RPTOR: variants seen among roughly 807,000 people sequenced by gnomAD.
RPTOR encodes the protein regulatory-associated protein of mTOR.
A neutral mutation model predicts 169.9 loss-of-function variants in RPTOR; 21 were observed. The ratio of observed to expected loss-of-function variants is 0.12; its 90% CI spans 0.09 to 0.18. The LOEUF (loss-of-function observed/expected upper bound fraction) is 0.18, where lower values mean the gene tolerates loss of function less well. Ranked by LOEUF, RPTOR falls within the 10% of genes least tolerant of loss-of-function variation. The pLI is 1.00. For synonymous variants in RPTOR, 732 were observed against 753.2 expected, an observed-to-expected ratio of 0.97 and a Z score of 0.46; for missense variants, 1,133 against 1,855.9, an observed-to-expected ratio of 0.61 and a Z score of 7.16.
intron 3 of RPTOR, among the ~76,000 whole-genome samples, chr17:80,647,537 A>G (rs2065605631): frequency 6.6e-6 from 1 of 152,218 alleles, no homozygotes; most frequent in Non-Finnish European, 1.5e-5. Flanking sequence ...TTCTTTCCCC[A>G]GAGAGAGTGG....
chr17:80,873,969 A>T (rs2143807701), intron 13 of RPTOR, among the ~76,000 whole-genome samples: 1 of 152,286 alleles, frequency 6.6e-6, no homozygotes, highest in South Asian at 2.1e-4. Flanking sequence ...AGCAGCGGGT[A>T]CCCCAGAAGG....
At chr17:80,681,099 A>G (rs1370785203) in intron 3 of RPTOR, among the ~76,000 whole-genome samples, 1 of 152,142 alleles carries the variant, frequency 6.6e-6, no homozygotes, top group Non-Finnish European at 1.5e-5. Context: ...ACTGGAGTCC[A>G]GGCTCATGGA....
intron 3 of RPTOR, among the ~76,000 whole-genome samples, chr17:80,661,880 C>T (rs2143649600): frequency 1.3e-5 from 2 of 152,230 alleles, no homozygotes; most frequent in Admixed American, 1.3e-4. Context: ...AGATTCACTG[C>T]GCTGCACACC....
chr17:80,602,756 C>A, intron 1 of RPTOR: 1 of 741,112 alleles, frequency 1.3e-6, no homozygotes, highest in South Asian at 1.4e-5. Flanking sequence ...CTGGAGTTGC[C>A]ATCTCCTTCA....
At chr17:80,624,955 G>T (rs1371564573) in intron 1 of RPTOR, among the ~76,000 whole-genome samples, 1 of 152,210 alleles carries the variant, frequency 6.6e-6, no homozygotes, top group African/African-American at 2.4e-5. Context: ...CCCCGATGGG[G>T]AGTGTGGAAG....
At chr17:80,622,000 G>A (rs545479957) in intron 1 of RPTOR, among the ~76,000 whole-genome samples, 1 of 152,192 alleles carries the variant, frequency 6.6e-6, no homozygotes, top group African/African-American at 2.4e-5. Flanking sequence ...TTTCTTCCAC[G>A]GGCTTTTGCT....
intron 20 of RPTOR, among the ~76,000 whole-genome samples, chr17:80,899,213 C>T (rs1353944522): frequency 6.6e-6 from 1 of 152,196 alleles, no homozygotes; most frequent in African/African-American, 2.4e-5. Flanking sequence ...GAGTATAAAT[C>T]AAGGTATTGC....
intron 3 of RPTOR, among the ~76,000 whole-genome samples, chr17:80,683,818 G>A (rs1375969188): frequency 2.0e-5 from 3 of 152,104 alleles, no homozygotes; most frequent in Non-Finnish European, 2.9e-5. Flanking sequence ...TTTCAGGCAC[G>A]ACAAGGTGGA....
rs1463414854 is a variant in RPTOR at position 80,545,686 on chromosome 17, T to C, written c.57T>C (p.Ala19=). 7 of 1,613,764 alleles carry C rather than the reference T, an allele frequency of 4.3e-6. No homozygotes were observed. Among genetic ancestry groups the C allele is most frequent in the East Asian group, 2.2e-5 (1 of 44,876 alleles). ...TGGGCCTGGGGGAGGAAGATGAGGC[T>C]GATCTTACAGACTGGAACCTACCTT... is the stretch of plus-strand genomic sequence containing the variant. ...PLLGLGEEDE[A]DLTDWNLPLA... The change falls in exon 1 of 34, where the codon GCT becomes GCC. Residue 19 remains alanine, a synonymous_variant. Coordinates refer to ENST00000306801, the MANE Select transcript of RPTOR (RefSeq NM_020761.3).
intron 3 of RPTOR, among the ~76,000 whole-genome samples, chr17:80,664,195 G>A (rs2143655897): frequency 1.3e-5 from 2 of 152,266 alleles, no homozygotes; most frequent in Middle Eastern, 6.8e-3. Context: ...CCTTCTCATG[G>A]GGGCTGGGCT....
At chr17:80,955,021 G>C (rs1226769319) in intron 28 of RPTOR, among the ~76,000 whole-genome samples, 1 of 152,338 alleles carries the variant, frequency 6.6e-6, no homozygotes, top group Admixed American at 6.5e-5. Flanking sequence ...ACAGATCAAA[G>C]CATAAACTCT....
At chr17:80,681,942 A>AATATT (rs1362358413) in intron 3 of RPTOR, among the ~76,000 whole-genome samples, 1 of 152,114 alleles carries the variant, frequency 6.6e-6, no homozygotes, top group East Asian at 1.9e-4. Context: ...GGTGTATTAG[A>AATATT]ATATTGGTAA....
intron 24 of RPTOR, among the ~76,000 whole-genome samples, chr17:80,928,338 C>T (rs985858438): frequency 3.3e-5 from 5 of 152,108 alleles, no homozygotes; most frequent in Non-Finnish European, 5.9e-5. Context: ...ATTTGTGTAA[C>T]GAGCTGCATT....
intron 2 of RPTOR, among the ~76,000 whole-genome samples, chr17:80,638,569 TA>T (rs990421280): frequency 1.3e-5 from 2 of 151,196 alleles, no homozygotes; most frequent in Non-Finnish European, 3.0e-5. Context: ...GCTGATTAAT[TA>T]AAAAAAAATT....
intron 25 of RPTOR, among the ~76,000 whole-genome samples, chr17:80,945,006 A>AG (rs933715620): frequency 1.3e-4 from 20 of 151,882 alleles, no homozygotes; most frequent in African/African-American, 4.6e-4. Flanking sequence ...AAAAAAAAAA[A>AG]AAGACTGGCT....
intron 11 of RPTOR, among the ~76,000 whole-genome samples, chr17:80,853,497 A>G (rs1277237439): frequency 6.6e-6 from 1 of 152,034 alleles, no homozygotes; most frequent in East Asian, 1.9e-4. Flanking sequence ...CACATGAAGG[A>G]TGGGTGAGGT....
chr17:80,852,140 C>T (rs1473670278), intron 11 of RPTOR, among the ~76,000 whole-genome samples: 1 of 152,172 alleles, frequency 6.6e-6, no homozygotes, highest in Admixed American at 6.5e-5. Context: ...GACTTTACAT[C>T]CGCTGGACAC....
intron 1 of RPTOR, among the ~76,000 whole-genome samples, chr17:80,613,193 C>G (rs529046083): frequency 6.6e-6 from 1 of 152,104 alleles, no homozygotes. Flanking sequence ...CTCCGTGGCC[C>G]GTCACTTCTT....
At chr17:80,872,980 C>A (rs892779786) in intron 13 of RPTOR, among the ~76,000 whole-genome samples, 13 of 152,350 alleles carry the variant, frequency 8.5e-5, no homozygotes, top group African/African-American at 3.1e-4. Context: ...GAGCGGGCCC[C>A]CCACCACTGA....
Sources: allele counts gnomAD v4.1 joint callset (sites outside exome capture counted in the v4.1 genomes callset), GRCh38; gene constraint gnomAD v4.1.1; transcripts MANE v1.5; gene names NCBI Gene and HGNC (gene_info 2026-07-23, HGNC 2026-07-21).